The following GOT2 variants were observed in gnomAD, a reference collection of about 807,000 sequenced individuals.
GOT2 encodes the protein glutamic-oxaloacetic transaminase 2.
In GOT2, 17 loss-of-function variants were observed where a neutral mutation model predicts 50.0. The ratio of observed to expected loss-of-function variants is 0.34; its 90% CI spans 0.23 to 0.51. The LOEUF (loss-of-function observed/expected upper bound fraction) is 0.51, where lower values mean the gene tolerates loss of function less well. GOT2 is among the 20% of genes least tolerant of loss of function. The pLI is 0.97. For missense variants in GOT2, 430 were observed against 559.6 expected (o/e 0.77, Z 2.34); for synonymous variants, 172 against 204.9 (o/e 0.84, Z 1.37).
chr16:58,710,465 CAA>C (rs2044638040), intron 8 of GOT2, among the ~76,000 whole-genome samples: 1 of 150,258 alleles, frequency 6.7e-6, no homozygotes, highest in African/African-American at 2.5e-5. Context: ...CTCCTGGGCT[CAA>C]GTGATTCTCC....
intron 4 of GOT2, among the ~76,000 whole-genome samples, 182 bp downstream of exon 4, chr16:58,719,014 T>C (rs1312005168): frequency 3.3e-5 from 5 of 152,250 alleles, no homozygotes; most frequent in African/African-American, 1.2e-4. Flanking sequence ...TTTATCATCA[T>C]CACTAATATA....
intron 1 of GOT2, among the ~76,000 whole-genome samples, chr16:58,729,591 T>G (rs2044816193): frequency 6.6e-6 from 1 of 152,106 alleles, no homozygotes; most frequent in Non-Finnish European, 1.5e-5. Flanking sequence ...CATTGCTCCC[T>G]ACCACAAGGA....
intron 1 of GOT2, chr16:58,733,932 T>C: frequency 2.5e-6 from 1 of 397,872 alleles, no homozygotes; most frequent in Non-Finnish European, 4.4e-6. Flanking sequence ...CAGAGGGATG[T>C]GGGATCCTGA....
chr16:58,727,214 G>A (rs2044794052), intron 1 of GOT2, among the ~76,000 whole-genome samples: 1 of 152,118 alleles, frequency 6.6e-6, no homozygotes, highest in African/African-American at 2.4e-5. Flanking sequence ...GTGCAGCCTT[G>A]ACCTCCTAGA....
chr16:58,716,499 CA>C (rs1399143740), intron 7 of GOT2, 163 bp downstream of exon 7: 1 of 660,694 alleles, frequency 1.5e-6, no homozygotes, highest in East Asian at 2.8e-5. Context: ...CTAAGAAAAT[CA>C]GTAAAATCTA....
chr16:58,721,231 AGTTT>A (rs1355838063), intron 3 of GOT2, among the ~76,000 whole-genome samples: 1 of 152,280 alleles, frequency 6.6e-6, no homozygotes, highest in Non-Finnish European at 1.5e-5. Flanking sequence ...TAATTTTGCT[AGTTT>A]GTATGTTTCT....
intron 8 of GOT2, among the ~76,000 whole-genome samples, chr16:58,712,415 G>A (rs1231436648): frequency 6.6e-6 from 1 of 152,136 alleles, no homozygotes; most frequent in Non-Finnish European, 1.5e-5. Context: ...GGAGCCTGAG[G>A]CAGGAGAATC....
chr16:58,721,773 T>G, intron 3 of GOT2: 1 of 127,984 alleles, frequency 7.8e-6, no homozygotes, highest in Non-Finnish European at 1.6e-5. Flanking sequence ...TCTTTTCATA[T>G]TTCTTAAATT....
chr16:58,715,597 G>A (rs2044685726), intron 8 of GOT2, among the ~76,000 whole-genome samples: 1 of 152,180 alleles, frequency 6.6e-6, no homozygotes, highest in African/African-American at 2.4e-5. Context: ...TTGTTGCCCA[G>A]GCTGGAGTGC....
intron 1 of GOT2, among the ~76,000 whole-genome samples, chr16:58,725,112 CTT>C (rs34912264): frequency 1.4e-5 from 2 of 145,456 alleles, no homozygotes; most frequent in Admixed American, 6.9e-5. Flanking sequence ...TTCTTTCTTT[CTT>C]TTTTTTTTTT....
In GOT2 at chr16:58,723,794, G is replaced by T; in HGVS notation, c.198C>A (p.Ala66=). The T allele has an allele frequency of 6.2e-7, 1 of 1,612,796 alleles. No homozygotes were observed. The stretch of plus-strand genomic sequence containing the variant: ...AAGGCTTTCCATTATCATCCCGGTA[G>T]GCACCAACTCCCAGATTCATCTTTT... ...NSKKMNLGVG[A]YRDDNGKPYV... Residue 66 remains alanine (A), a synonymous_variant, in exon 2 of 10, where the codon GCC becomes GCA. Transcript: ENST00000245206.
intron 1 of GOT2, among the ~76,000 whole-genome samples, chr16:58,724,288 T>C (rs2044765239): frequency 2.7e-5 from 4 of 150,132 alleles, no homozygotes; most frequent in Non-Finnish European, 5.9e-5. Flanking sequence ...TGACAAACTT[T>C]TTTTTTTTTT....
At chr16:58,732,256 A>G (rs2044839986) in intron 1 of GOT2, among the ~76,000 whole-genome samples, 1 of 152,012 alleles carries the variant, frequency 6.6e-6, no homozygotes, top group South Asian at 2.1e-4. Flanking sequence ...GTGAGCCATG[A>G]TTGTGCCACT....
intron 8 of GOT2, among the ~76,000 whole-genome samples, chr16:58,713,937 A>C (rs1490058179): frequency 6.6e-6 from 1 of 152,150 alleles, no homozygotes; most frequent in Admixed American, 6.5e-5. Context: ...TTCCAATAAA[A>C]CTTTATTTAC....
At chr16:58,726,005 AT>A (rs2044780211) in intron 1 of GOT2, among the ~76,000 whole-genome samples, 1 of 152,330 alleles carries the variant, frequency 6.6e-6, no homozygotes, top group South Asian at 2.1e-4. Flanking sequence ...TACTTACTGT[AT>A]TAGAAAAACT....
chr16:58,727,484 A>T (rs1273961870), intron 1 of GOT2, among the ~76,000 whole-genome samples: 1 of 152,156 alleles, frequency 6.6e-6, no homozygotes, highest in African/African-American at 2.4e-5. Context: ...CATTAAGAAC[A>T]TTATGCTAAG....
intron 1 of GOT2, among the ~76,000 whole-genome samples, chr16:58,727,148 C>G (rs1190927718): frequency 6.6e-6 from 1 of 152,022 alleles, no homozygotes; most frequent in Non-Finnish European, 1.5e-5. Context: ...AGCAAGACTC[C>G]GTCTCAATAA....
chr16:58,714,582 G>A (rs114410658), intron 8 of GOT2, among the ~76,000 whole-genome samples: 198 of 151,486 alleles, frequency 1.3e-3, no homozygotes, highest in African/African-American at 4.4e-3. Context: ...GCTGGGTCTC[G>A]TTGTGCACAC....
At chr16:58,723,390 A>C (rs2044755861) in intron 2 of GOT2, among the ~76,000 whole-genome samples, 1 of 152,194 alleles carries the variant, frequency 6.6e-6, no homozygotes. Flanking sequence ...TAAAAATAGT[A>C]ATCCACGAAG....
Sources: allele counts gnomAD v4.1 joint callset (sites outside exome capture counted in the v4.1 genomes callset), GRCh38; gene constraint gnomAD v4.1.1; transcripts MANE v1.5; gene names NCBI Gene and HGNC (gene_info 2026-07-23, HGNC 2026-07-21).